The following CAST variants were observed in gnomAD, a reference collection of about 807,000 sequenced individuals.
The protein encoded by CAST is MIR583 host.
Under a neutral mutation model 119.6 loss-of-function variants are expected in CAST, and 76 were observed. That is an observed-to-expected ratio of 0.64 (90% CI 0.53 to 0.77). The LOEUF is 0.77. Among genes scored for constraint, CAST ranks in the 30% least tolerant of loss-of-function variants. The pLI is 0.00. For synonymous variants in CAST, 319 were observed against 331.6 expected (o/e 0.96, Z 0.41); for missense variants, 953 against 946.5 (o/e 1.01, Z -0.09).
the CAST span, among the ~76,000 whole-genome samples, chr5:96,516,589 T>C: frequency 6.6e-6 from 1 of 152,204 alleles, no homozygotes; most frequent in Non-Finnish European, 1.5e-5. Context: ...AATGACACAA[T>C]GTTTTTAAAG....
chr5:96,578,672 C>A (rs1746718128), intron 1 of CAST, among the ~76,000 whole-genome samples: 1 of 152,084 alleles, frequency 6.6e-6, no homozygotes, highest in African/African-American at 2.4e-5. Flanking sequence ...AAATACATGT[C>A]AAATAATTCC....
chr5:96,667,575 A>G (rs4869148), intron 1 of CAST, among the ~76,000 whole-genome samples: 97,962 of 152,124 alleles, frequency 0.64, 33,215 homozygotes, highest in African/African-American at 0.85. Context: ...GTACCTTTAC[A>G]GTGTCATCTT....
chr5:96,012,649 C>T, the CAST span, among the ~76,000 whole-genome samples: 2 of 152,188 alleles, frequency 1.3e-5, no homozygotes, highest in African/African-American at 4.8e-5. Flanking sequence ...TTTGCTACTT[C>T]TTAGACCTGT....
chr5:96,705,003 C>A (rs1041833228), intron 3 of CAST, among the ~76,000 whole-genome samples: 4 of 152,100 alleles, frequency 2.6e-5, no homozygotes. Context: ...GTACTACATC[C>A]AATTTTTTAA....
the CAST span, among the ~76,000 whole-genome samples, chr5:96,221,353 A>G: frequency 6.6e-6 from 1 of 152,104 alleles, no homozygotes; most frequent in African/African-American, 2.4e-5. Flanking sequence ...TCTTATGTTA[A>G]GAAAACCTAA....
chr5:96,087,361 A>C, the CAST span, among the ~76,000 whole-genome samples: 1 of 152,176 alleles, frequency 6.6e-6, no homozygotes, highest in African/African-American at 2.4e-5. Flanking sequence ...ATCTTCTTAA[A>C]ATTCAAACTT....
intron 1 of CAST, among the ~76,000 whole-genome samples, chr5:96,611,108 C>G (rs1384006137): frequency 6.6e-6 from 1 of 152,122 alleles, no homozygotes; most frequent in Non-Finnish European, 1.5e-5. Context: ...CAATTCCTAT[C>G]AAATTACCAA....
chr5:96,452,679 G>C, the CAST span, among the ~76,000 whole-genome samples: 2 of 143,788 alleles, frequency 1.4e-5, no homozygotes, highest in African/African-American at 5.2e-5. Context: ...GGCCGGGCGC[G>C]GTGGCTCACG....
the CAST span, among the ~76,000 whole-genome samples, chr5:96,124,841 C>T: frequency 6.6e-6 from 1 of 152,260 alleles, no homozygotes; most frequent in East Asian, 1.9e-4. Context: ...GTTATAGCAA[C>T]TATTGCACAA....
intron 1 of CAST, among the ~76,000 whole-genome samples, chr5:96,621,755 T>A (rs1747610976): frequency 1.3e-5 from 2 of 152,132 alleles, no homozygotes; most frequent in South Asian, 4.1e-4. Context: ...TTCACAGCCA[T>A]CACCCCTGAC....
the CAST span, among the ~76,000 whole-genome samples, chr5:96,339,798 T>C: frequency 6.6e-6 from 1 of 152,106 alleles, no homozygotes; most frequent in African/African-American, 2.4e-5. Context: ...GAGCGAGTAG[T>C]TGACCCTCTG....
chr5:96,617,653 A>T (rs765915704), intron 1 of CAST, among the ~76,000 whole-genome samples: 12 of 151,854 alleles, frequency 7.9e-5, no homozygotes, highest in South Asian at 2.1e-4. Flanking sequence ...TTAGCCAGGC[A>T]TGGTGGTGGG....
chr5:96,325,615 G>C, the CAST span, among the ~76,000 whole-genome samples: 2 of 151,938 alleles, frequency 1.3e-5, no homozygotes, highest in African/African-American at 4.8e-5. Context: ...AAGTAGCTGG[G>C]ACTACAGGTG....
chr5:96,043,047 A>T, the CAST span, among the ~76,000 whole-genome samples: 4 of 152,182 alleles, frequency 2.6e-5, no homozygotes, highest in African/African-American at 4.8e-5. Context: ...AAAATGAAAA[A>T]AAGTCTTAAA....
At chr5:96,310,078 T>G in the CAST span, among the ~76,000 whole-genome samples, 3 of 152,256 alleles carry the variant, frequency 2.0e-5, no homozygotes, top group Admixed American at 1.3e-4. Context: ...ACATATCATC[T>G]TTACTGTGTT....
At chr5:96,748,448 C>T in intron 18 of CAST, 70 bp from the exon 19 acceptor site, 1 of 717,376 alleles carries the variant, frequency 1.4e-6, no homozygotes, top group Non-Finnish European at 2.3e-6. Context: ...AAAAATTGCT[C>T]CATGAAAACT....
At chr5:96,104,022 T>TA in the CAST span, among the ~76,000 whole-genome samples, 1 of 152,222 alleles carries the variant, frequency 6.6e-6, no homozygotes, top group Non-Finnish European at 1.5e-5. Flanking sequence ...TTTGGCTGCA[T>TA]AAATGTCTTC....
At chr5:96,102,293 C>T in the CAST span, among the ~76,000 whole-genome samples, 323 of 152,110 alleles carry the variant, frequency 2.1e-3, 1 homozygote, top group African/African-American at 7.4e-3. Context: ...GGGGACAGGA[C>T]GGGCAGATAA....
At chr5:96,724,235 T>C (rs1238056393) in intron 4 of CAST, among the ~76,000 whole-genome samples, 1 of 152,044 alleles carries the variant, frequency 6.6e-6, no homozygotes, top group East Asian at 1.9e-4. Context: ...AGGCTGGATG[T>C]AGTGGCATGA....
Sources: allele counts gnomAD v4.1 joint callset (sites outside exome capture counted in the v4.1 genomes callset), GRCh38; gene constraint gnomAD v4.1.1; transcripts MANE v1.5; gene names NCBI Gene and HGNC (gene_info 2026-07-23, HGNC 2026-07-21).